Variants in CTSL observed in about 807,000 individuals in gnomAD.
CTSL encodes procathepsin L.
A neutral mutation model predicts 34.7 loss-of-function variants in CTSL; 23 were observed. The observed-to-expected ratio is 0.66, with a 90% CI of 0.48 to 0.94. The LOEUF (loss-of-function observed/expected upper bound fraction) is 0.94, where lower values mean the gene tolerates loss of function less well. CTSL is among the 40% of genes least tolerant of loss of function. The probability of loss-of-function intolerance (pLI) is 0.00; values close to 1 mark genes in which losing one functional copy is unlikely to be tolerated. For missense variants in CTSL, 361 were observed against 406.3 expected (o/e 0.89, Z 0.96); for synonymous variants, 129 against 136.7 (o/e 0.94, Z 0.39).
chr9:87,731,082 C>T lies in CTSL; in HGVS notation c.977C>T (p.Ser326Leu). The change falls in exon 8 of 8, where the codon TCA becomes TTA. Residue 326 changes from serine (S) to leucine (L), a missense_variant. Physicochemically the swap from Ser to Leu is moderately radical, Grantham distance 145. Transcript: ENST00000343150. ...CGGAGAAACCATTGTGGAATTGCCT[C>T]AGCAGCCAGCTACCCCACTGTGTGA... ...KDRRNHCGIA[S>L]AASYPTV is the part of the protein sequence containing the mutation. The T allele has an allele frequency of 1.2e-6, 2 of 1,613,974 alleles. No homozygotes were observed. The highest frequency in any genetic ancestry group is 4.5e-5 in the East Asian group (2 of 44,876).
chr9:87,727,427 T>G (rs532457746), intron 1 of CTSL, among the ~76,000 whole-genome samples, 167 bp from the exon 2 acceptor site: 2 of 152,314 alleles, frequency 1.3e-5, no homozygotes, highest in South Asian at 4.1e-4. Context: ...ACGTGCCCTG[T>G]TTTTCTCCAG....
rs1826248819 is a variant in CTSL, at chr9:87,731,170, C to T, written c.*63C>T. The T allele has an allele frequency of 8.0e-7, 1 of 1,253,650 alleles. No homozygotes were observed. The highest frequency in any genetic ancestry group is 1.8e-5 in the Admixed American group (1 of 55,394). 77.7% of individuals were successfully genotyped at this position (1,253,650 alleles called of 1,614,324 possible). On this transcript the variant is annotated 3_prime_UTR_variant, in exon 8 of 8. Transcript: ENST00000343150. ...TGGCGCATGCATGGGAGGAATTCAT[C>T]TTCAGTCTACCAGCCCCCGCTGTGT...
intron 2 of CTSL, 49 bp downstream of exon 2, chr9:87,727,778 TAGTC>T (rs1315061541): frequency 6.2e-7 from 1 of 1,609,618 alleles, no homozygotes; most frequent in Non-Finnish European, 8.5e-7. Flanking sequence ...TGAGAAGTTT[TAGTC>T]AGAGAGTAGC....
chr9:87,727,961 C>G (rs1475663659), intron 2 of CTSL, 66 bp from the exon 3 acceptor site: 20 of 1,600,946 alleles, frequency 1.2e-5, no homozygotes, highest in Non-Finnish European at 1.6e-5. Context: ...TCTGCAGATT[C>G]ACTTGGTGAG....
rs1255433862 is a variant in CTSL, at chr9:87,727,494, ATATTTT to A, written c.-10-95_-10-90del. 5.0e-6 allele frequency: 6 copies of A among 1,203,632 alleles called. No homozygotes were observed. In the Admixed American group the frequency reaches 1.3e-4, roughly 25 times the overall value. 74.6% of individuals were successfully genotyped at this position (1,203,632 alleles called of 1,614,324 possible). On this transcript the variant is annotated intron_variant, in intron 1 of 7. Transcript: ENST00000343150. ...GTAAATGCTTGGGAGAATAATTTAA[ATATTTT>A]TATTCTACCATGGTGGCCCTAATTT...
rs376413280 is a variant in CTSL, at chr9:87,731,039, G to A, written c.934G>A (p.Val312Ile). ...WGEEWGMGGY[V>I]KMAKDRRNHC... is the part of the protein sequence containing the mutation. The stretch of plus-strand genomic sequence containing the variant: ...TGAAGAATGGGGCATGGGTGGCTAC[G>A]TAAAGATGGCCAAAGACCGGAGAAA... The change falls in exon 8 of 8, where the codon GTA becomes ATA. Residue 312 changes from valine to isoleucine, a missense_variant. Coordinates refer to ENST00000343150, the MANE Select transcript of CTSL (RefSeq NM_001912.5). 1.2e-5 allele frequency: 19 copies of A among 1,613,828 alleles called. No homozygotes were observed. Among genetic ancestry groups the A allele is most frequent in the South Asian group, 3.3e-5 (3 of 91,066 alleles).
Position 87,729,656 on chromosome 9 carries a change from G to A in CTSL, c.705G>A (p.Leu235=), listed in dbSNP as rs372178033. 2.3e-4 allele frequency: 375 copies of A among 1,614,108 alleles called. 7 individuals are homozygous for A. In the South Asian group the frequency reaches 3.9e-3, roughly 17 times the overall value. ...FVDIPKQEKA[L]MKAVATVGPI... is the part of the protein sequence containing the mutation. ...ACATCCCTAAGCAGGAGAAGGCCCTGATGAAGGCAGTTGCAACTGTGGGGC... is the reference window on the plus strand; with the variant it reads ...ACATCCCTAAGCAGGAGAAGGCCCTAATGAAGGCAGTTGCAACTGTGGGGC... Residue 235 remains leucine, a synonymous_variant, in exon 6 of 8, where the codon CTG becomes CTA. Coordinates refer to ENST00000343150, the MANE Select transcript of CTSL (RefSeq NM_001912.5).
intron 6 of CTSL, 41 bp downstream of exon 6, chr9:87,729,776 A>C (rs994079785): frequency 6.4e-7 from 1 of 1,574,324 alleles, no homozygotes; most frequent in African/African-American, 1.4e-5. Flanking sequence ...GCAGAAAAAG[A>C]GTATCATGAC....
intron 1 of CTSL, among the ~76,000 whole-genome samples, chr9:87,726,907 C>T (rs1826023232): frequency 6.6e-6 from 1 of 151,870 alleles, no homozygotes; most frequent in Non-Finnish European, 1.5e-5. Context: ...ACGGGCGAGG[C>T]GGCGCACGCC....
At chr9:87,729,777 G>GT in intron 6 of CTSL, 42 bp downstream of exon 6, 1 of 1,570,196 alleles carries the variant, frequency 6.4e-7, no homozygotes, top group Non-Finnish European at 8.6e-7. Flanking sequence ...CAGAAAAAGA[G>GT]TATCATGACA....
At chr9:87,729,349 T>C (rs1826165090) in intron 5 of CTSL, among the ~76,000 whole-genome samples, 1 of 152,224 alleles carries the variant, frequency 6.6e-6, no homozygotes, top group African/African-American at 2.4e-5. Flanking sequence ...TTCTCTATTG[T>C]GAAAAATGTC....
chr9:87,727,588 T>A lies in CTSL; in HGVS notation c.-10-6T>A, dbSNP rs1177755157. The A allele has an allele frequency of 1.2e-6, 2 of 1,613,766 alleles. No individual in the cohort carries two copies. Among genetic ancestry groups the A allele is most frequent in the Non-Finnish European group, 8.5e-7 (1 of 1,179,944 alleles). On this transcript the variant is annotated splice_region_variant and splice_polypyrimidine_tract_variant and intron_variant, in intron 1 of 7. Transcript: ENST00000343150. ...AATCAGATCCTCATTTTTGTTCCCTTCCTAGGTTTTAAAACATGAATCCTA... is the reference window on the plus strand; with the variant it reads ...AATCAGATCCTCATTTTTGTTCCCTACCTAGGTTTTAAAACATGAATCCTA...
rs1324954659 is a variant in CTSL at position 87,728,109 on chromosome 9, AAC to A, written c.213_214del (p.His71GlnfsTer15). Reference sequence around the variant, plus strand: ...CACAATCAGGAATACAGGGAAGGGAAACACAGCTTCACAATGGCCATGAACGC... The same window carrying A: ...CACAATCAGGAATACAGGGAAGGGAAACAGCTTCACAATGGCCATGAACGC... On this transcript the variant is annotated frameshift_variant, in exon 3 of 8. Transcript: ENST00000343150. LOFTEE classifies it high-confidence loss of function. 1 of 1,614,072 alleles carries A rather than the reference AAC, an allele frequency of 6.2e-7. No individual in the cohort carries two copies. The highest frequency in any genetic ancestry group is 1.3e-5 in the African/African-American group (1 of 74,938).
intron 6 of CTSL, 134 bp from the exon 7 acceptor site, chr9:87,730,247 G>T (rs1826206408): frequency 2.0e-6 from 1 of 509,264 alleles, no homozygotes; most frequent in African/African-American, 2.0e-5. Context: ...CCTTCTTATT[G>T]TTGTTAAGTA....
intron 7 of CTSL, among the ~76,000 whole-genome samples, 195 bp from the exon 8 acceptor site, chr9:87,730,811 TCA>T (rs1329970026): frequency 6.6e-6 from 1 of 152,216 alleles, no homozygotes; most frequent in Non-Finnish European, 1.5e-5. Flanking sequence ...CTGTGAAAGG[TCA>T]CAGTTTGGAG....
Position 87,727,754 on chromosome 9 carries a change from A to G in CTSL, c.126+25A>G, listed in dbSNP as rs568795767. On this transcript the variant is annotated intron_variant, in intron 2 of 7. Transcript: ENST00000343150. ...GGTTAGTGAAACTTCCCCAGAAAGA[A>G]TAGTCCTGGCTGTTGAGAAGTTTTA... 8.7e-6 allele frequency: 14 copies of G among 1,613,884 alleles called. No individual in the cohort carries two copies. In the Admixed American group the frequency reaches 2.2e-4, roughly 25 times the overall value.
chr9:87,729,716 C>T lies in CTSL; in HGVS notation c.765C>T (p.Ser255=), dbSNP rs374363729. 6.2e-7 allele frequency: 1 copy of T among 1,605,912 alleles called. No homozygotes were observed. ...TTGCTATTGATGCAGGTCATGAGTCCTTCCTGTTCTATAAAGAAGGTAAGC... is the reference window on the plus strand; with the variant it reads ...TTGCTATTGATGCAGGTCATGAGTCTTTCCTGTTCTATAAAGAAGGTAAGC... ...ISVAIDAGHE[S]FLFYKEGIYF... is the part of the protein sequence containing the mutation. Residue 255 remains serine (S), a synonymous_variant, in exon 6 of 8, where the codon TCC becomes TCT. Coordinates refer to ENST00000343150, the MANE Select transcript of CTSL (RefSeq NM_001912.5).
At chr9:87,727,238 G>A (rs1183209464) in intron 1 of CTSL, among the ~76,000 whole-genome samples, 2 of 152,020 alleles carry the variant, frequency 1.3e-5, no homozygotes, top group Non-Finnish European at 2.9e-5. Context: ...GATTTTTTGC[G>A]ATTGGTACAA....
rs1306098379 is a variant in CTSL at position 87,728,130 on chromosome 9, T to C, written c.230T>C (p.Met77Thr). The change falls in exon 3 of 8, where the codon ATG (methionine) becomes ACG (threonine). Residue 77 changes from methionine to threonine, a missense_variant. Transcript: ENST00000343150. Reference sequence around the variant, plus strand: ...GGGAAACACAGCTTCACAATGGCCATGAACGCCTTTGGAGACATGGTAAGT... The same window carrying C: ...GGGAAACACAGCTTCACAATGGCCACGAACGCCTTTGGAGACATGGTAAGT... ...REGKHSFTMA[M>T]NAFGDMTSEE... The C allele has an allele frequency of 1.2e-6, 2 of 1,614,234 alleles. No individual in the cohort carries two copies. The highest frequency in any genetic ancestry group is 3.3e-5 in the Admixed American group (2 of 60,028).
Sources: gnomAD v4.1 joint callset for allele counts (sites outside exome capture counted in the v4.1 genomes callset) on GRCh38, gnomAD v4.1.1 for gene constraint, MANE v1.5 for transcripts, NCBI Gene and HGNC (gene_info 2026-07-23, HGNC 2026-07-21) for gene names.